Variants in SEPHS1 observed in about 807,000 individuals in gnomAD.
SEPHS1 encodes the protein selenophosphate synthetase 1, also known as zincore component SEPHS1.
Under a neutral mutation model 39.2 loss-of-function variants are expected in SEPHS1, and 7 were observed. The observed-to-expected ratio is 0.18, with a 90% CI of 0.10 to 0.34. SEPHS1 has a LOEUF of 0.34. Ranked by LOEUF, SEPHS1 falls within the 10% of genes least tolerant of loss-of-function variation. The probability of loss-of-function intolerance (pLI) is 1.00; values close to 1 mark genes in which losing one functional copy is unlikely to be tolerated. For synonymous variants in SEPHS1, 190 were observed against 195.5 expected (o/e 0.97, Z 0.23); for missense variants, 253 against 514.5 (o/e 0.49, Z 4.92).
At chr10:13,328,488 G>C in intron 6 of SEPHS1, 38 bp from the exon 7 acceptor site, 1 of 1,393,356 alleles carries the variant, frequency 7.2e-7, no homozygotes, top group South Asian at 1.2e-5. Context: ...AGAAAGAGAG[G>C]AAAATGTGAT....
chr10:13,321,687 G>C (rs1339447414), intron 8 of SEPHS1, among the ~76,000 whole-genome samples: 1 of 152,214 alleles, frequency 6.6e-6, no homozygotes, highest in African/African-American at 2.4e-5. Context: ...GGGAACAAAG[G>C]GGGCAAAAGA....
At chr10:13,329,112 G>A (rs1042388928) in intron 6 of SEPHS1, among the ~76,000 whole-genome samples, 5 of 152,098 alleles carry the variant, frequency 3.3e-5, no homozygotes, top group Non-Finnish European at 7.4e-5. Context: ...ATTAATTTGT[G>A]AGTTGTTACG....
At chr10:13,339,900 G>A (rs1248644567) in intron 2 of SEPHS1, among the ~76,000 whole-genome samples, 1 of 152,180 alleles carries the variant, frequency 6.6e-6, no homozygotes, top group Admixed American at 6.5e-5. Flanking sequence ...TTCAGTCTGT[G>A]GTTGGTTGAA....
chr10:13,343,626 C>T (rs1348414286), intron 2 of SEPHS1, among the ~76,000 whole-genome samples: 1 of 151,828 alleles, frequency 6.6e-6, no homozygotes, highest in Non-Finnish European at 1.5e-5. Context: ...ACAGCCTGGC[C>T]AACATGGTAA....
intron 3 of SEPHS1, among the ~76,000 whole-genome samples, chr10:13,336,917 G>A (rs565173602): frequency 7.9e-5 from 12 of 152,298 alleles, no homozygotes; most frequent in South Asian, 2.1e-4. Flanking sequence ...TTGAGAGGCC[G>A]AATCAGGTGG....
intron 8 of SEPHS1, among the ~76,000 whole-genome samples, chr10:13,321,125 G>C (rs1278534348): frequency 6.6e-6 from 1 of 152,196 alleles, no homozygotes; most frequent in Non-Finnish European, 1.5e-5. Context: ...TGTGGTCCCA[G>C]CACTGTGGTC....
intron 3 of SEPHS1, among the ~76,000 whole-genome samples, chr10:13,337,137 C>A (rs1280368763): frequency 1.3e-5 from 2 of 150,574 alleles, no homozygotes; most frequent in African/African-American, 4.9e-5. Context: ...GGCAACAGAG[C>A]AAGACTGTCA....
intron 3 of SEPHS1, among the ~76,000 whole-genome samples, chr10:13,338,138 C>T (rs1833692401): frequency 6.6e-6 from 1 of 152,212 alleles, no homozygotes; most frequent in Admixed American, 6.5e-5. Flanking sequence ...GGAACTTTAA[C>T]TCAGTGGTCA....
At chr10:13,319,848 C>T (rs1322788872) in intron 8 of SEPHS1, among the ~76,000 whole-genome samples, 1 of 152,178 alleles carries the variant, frequency 6.6e-6, no homozygotes, top group African/African-American at 2.4e-5. Context: ...CATATACACT[C>T]CAACTTTCAA....
At chr10:13,336,207 C>CACGG in intron 4 of SEPHS1, 36 bp downstream of exon 4, 1 of 1,464,814 alleles carries the variant, frequency 6.8e-7, no homozygotes. Flanking sequence ...ACCGGGACAA[C>CACGG]ACGGACCAGG....
intron 2 of SEPHS1, among the ~76,000 whole-genome samples, chr10:13,343,745 C>G (rs1339002677): frequency 2.0e-5 from 3 of 152,020 alleles, no homozygotes; most frequent in Non-Finnish European, 2.9e-5. Flanking sequence ...ACCCAGGAGG[C>G]AGAGGTTGCA....
At chr10:13,320,472 C>T (rs1319445687) in intron 8 of SEPHS1, among the ~76,000 whole-genome samples, 1 of 152,030 alleles carries the variant, frequency 6.6e-6, no homozygotes, top group African/African-American at 2.4e-5. Flanking sequence ...TGAGCCACTG[C>T]ACCGGGCCAA....
At chr10:13,337,506 G>A (rs1833673792) in intron 3 of SEPHS1, among the ~76,000 whole-genome samples, 1 of 152,190 alleles carries the variant, frequency 6.6e-6, no homozygotes, top group Non-Finnish European at 1.5e-5. Flanking sequence ...TCCAGTGGCT[G>A]TTTAATTGCT....
intron 8 of SEPHS1, chr10:13,322,046 T>G (rs756250562): frequency 1.8e-5 from 8 of 455,830 alleles, no homozygotes; most frequent in Non-Finnish European, 3.1e-5. Flanking sequence ...TTATGTTTCC[T>G]CTAATAAATT....
chr10:13,338,518 T>C (rs1252465228), intron 3 of SEPHS1, among the ~76,000 whole-genome samples, 187 bp downstream of exon 3: 1 of 152,186 alleles, frequency 6.6e-6, no homozygotes, highest in Non-Finnish European at 1.5e-5. Context: ...TTATGCCCAG[T>C]GCCAAGTGTG....
chr10:13,321,058 G>T (rs777633814), intron 8 of SEPHS1, among the ~76,000 whole-genome samples: 78 of 151,974 alleles, frequency 5.1e-4, no homozygotes, highest in Admixed American at 9.8e-4. Context: ...GCGGTGAGAG[G>T]CCTGGCAGAG....
At chr10:13,332,235 C>T (rs1362622885) in intron 5 of SEPHS1, among the ~76,000 whole-genome samples, 1 of 152,178 alleles carries the variant, frequency 6.6e-6, no homozygotes, top group African/African-American at 2.4e-5. Context: ...CGGATGGACC[C>T]GGAAAACATT....
chr10:13,319,232 T>A lies in SEPHS1; in HGVS notation c.1089A>T (p.Thr363=). 6.2e-7 allele frequency: 1 copy of A among 1,613,980 alleles called. No homozygotes were observed. The highest frequency in any genetic ancestry group is 1.3e-5 in the African/African-American group (1 of 75,062). ...TCCGGGGTTTGTCTATGATTCTGGC[T>A]GTGCGGTTGCCCTTCTCTACAATCC... ...IIGIVEKGNR[T]ARIIDKPRII... The change falls in exon 9 of 9, where the codon ACA becomes ACT. Residue 363 remains threonine, a synonymous_variant. Coordinates refer to ENST00000327347, the MANE Select transcript of SEPHS1 (RefSeq NM_012247.5).
At chr10:13,325,946 CAA>C (rs201372928) in intron 7 of SEPHS1, among the ~76,000 whole-genome samples, 504 of 34,224 alleles carry the variant, frequency 0.015, 28 homozygotes, top group African/African-American at 0.033. Flanking sequence ...GACTCAGTCT[CAA>C]AAAAAAAAAA....
Sources: gnomAD v4.1 joint callset for allele counts (sites outside exome capture counted in the v4.1 genomes callset) on GRCh38, gnomAD v4.1.1 for gene constraint, MANE v1.5 for transcripts, NCBI Gene and HGNC (gene_info 2026-07-23, HGNC 2026-07-21) for gene names.